The following HSPA1L variants were observed in gnomAD, a reference collection of about 807,000 sequenced individuals.
HSPA1L encodes the protein heat shock 70 kDa protein 1-like.
In HSPA1L, 21 loss-of-function variants were observed where a neutral mutation model predicts 31.5. That is an observed-to-expected ratio of 0.67 (90% CI 0.47 to 0.96). The LOEUF is 0.96. Among genes scored for constraint, HSPA1L ranks in the 40% least tolerant of loss-of-function variants. HSPA1L has a pLI of 0.00. For missense variants in HSPA1L, 709 were observed against 813.4 expected, an observed-to-expected ratio of 0.87 and a Z score of 1.56; for synonymous variants, 293 against 323.1, an observed-to-expected ratio of 0.91 and a Z score of 1.00.
Position 31,809,966 on chromosome 6 carries a change from C to A in HSPA1L, c.*81G>T. On this transcript the variant is annotated 3_prime_UTR_variant, in exon 2 of 2. Transcript: ENST00000375654. ...ATGGTAACTTAGATTCAGGTCTGGTCAAGAATAATAATGATGTTTGAAGAT... is the reference window on the plus strand; with the variant it reads ...ATGGTAACTTAGATTCAGGTCTGGTAAAGAATAATAATGATGTTTGAAGAT... 8.1e-7 allele frequency: 1 copy of A among 1,227,464 alleles called. No homozygotes were observed. The highest frequency in any genetic ancestry group is 2.9e-5 in the South Asian group (1 of 34,974). 76.0% of individuals were successfully genotyped at this position (1,227,464 alleles called of 1,614,324 possible). A position where few individuals can be genotyped will look rare whatever the true frequency, so the allele number is the denominator to read the frequency against.
chr6:31,810,197 A>C lies in HSPA1L; in HGVS notation c.1776T>G (p.Asp592Glu), dbSNP rs758000575. ...WLEVNQLAEK[D>E]EFDHKRKELE... The stretch of plus-strand genomic sequence containing the variant: ...ATTCCTTTCTCTTATGATCAAACTC[A>C]TCTTTCTCTGCCAGTTGATTGACCT... Residue 592 changes from aspartate (D) to glutamate (E), a missense_variant, in exon 2 of 2, where the codon GAT (aspartate) becomes GAG (glutamate). Asp to Glu is a conservative substitution (Grantham distance 45). Transcript: ENST00000375654. The C allele has an allele frequency of 1.0e-4, 156 of 1,526,818 alleles. No individual in the cohort carries two copies. Among genetic ancestry groups the C allele is most frequent in the Non-Finnish European group, 1.3e-4 (150 of 1,141,810 alleles). 94.6% of individuals were successfully genotyped at this position (1,526,818 alleles called of 1,614,324 possible).
At position 31,810,177 on chromosome 6, in the gene HSPA1L, T is replaced by G; in HGVS notation, c.1796A>C (p.Lys599Thr). 6.5e-7 allele frequency: 1 copy of G among 1,528,616 alleles called. No individual in the cohort carries two copies. The highest frequency in any genetic ancestry group is 1.3e-5 in the South Asian group (1 of 74,542). 94.7% of individuals were successfully genotyped at this position (1,528,616 alleles called of 1,614,324 possible). The change falls in exon 2 of 2, where the codon AAG becomes ACG. Residue 599 changes from lysine to threonine, a missense_variant. By Grantham distance (78) the Lys-to-Thr change is moderately conservative. Coordinates refer to ENST00000375654, the MANE Select transcript of HSPA1L (RefSeq NM_005527.4). The part of the protein sequence containing the change: ...AEKDEFDHKR[K>T]ELEQMCNPII... Reference sequence around the variant, plus strand: ...AGGGTTACACATCTGCTCCAATTCCTTTCTCTTATGATCAAACTCATCTTT... The same window carrying G: ...AGGGTTACACATCTGCTCCAATTCCGTTCTCTTATGATCAAACTCATCTTT...
chr6:31,814,540 T>A (rs35207553), intron 1 of HSPA1L, among the ~76,000 whole-genome samples: 139 of 150,266 alleles, frequency 9.3e-4, no homozygotes, highest in South Asian at 2.7e-3. Context: ...AATAAATAAA[T>A]AAAAATAAAA....
At position 31,810,842 on chromosome 6, in the gene HSPA1L, T is replaced by C. The variant is rs1201797993; in HGVS notation, c.1131A>G (p.Val377=). The C allele has an allele frequency of 1.9e-6, 3 of 1,614,096 alleles. No individual in the cohort carries two copies. Among genetic ancestry groups the C allele is most frequent in the South Asian group, 1.1e-5 (1 of 91,082 alleles). Residue 377 remains valine (V), a synonymous_variant, in exon 2 of 2, where the codon GTA becomes GTG. Transcript: ENST00000375654. ...TGTCCCCCATCAGGATGGCTGCTTG[T>C]ACCGCAGCCCCATATGCTACGGCCT... ...PDEAVAYGAA[V]QAAILMGDKS...
rs1296725819 is a variant in HSPA1L, at chr6:31,811,089, A to G, written c.884T>C (p.Phe295Ser). The change falls in exon 2 of 2, where the codon TTC becomes TCC. Residue 295 changes from phenylalanine to serine, a missense_variant. Physicochemically the swap from Phe to Ser is radical, Grantham distance 155. Transcript: ENST00000375654. ...EIDSLYEGID[F>S]YTSITRARFE... ...TCGAGCTCTGGTGATGGATGTATAG[A>G]AGTCAATGCCTTCATAAAGTGAATC... 2.5e-6 allele frequency: 4 copies of G among 1,614,070 alleles called. No homozygotes were observed. The highest frequency in any genetic ancestry group is 3.4e-6 in the Non-Finnish European group (4 of 1,180,058).
intron 1 of HSPA1L, among the ~76,000 whole-genome samples, chr6:31,813,196 T>C (rs1815555404): frequency 6.6e-6 from 1 of 152,270 alleles, no homozygotes; most frequent in Non-Finnish European, 1.5e-5. Flanking sequence ...ATTTATCCTT[T>C]TGTGACTTTG....
chr6:31,812,113 T>C (rs1815468974), intron 1 of HSPA1L, 128 bp from the exon 2 acceptor site: 1 of 1,182,468 alleles, frequency 8.5e-7, no homozygotes, highest in South Asian at 1.6e-5. Context: ...ACTGCAGCTT[T>C]GATCTCCTAG....
chr6:31,809,973 A>G lies in HSPA1L; in HGVS notation c.*74T>C. On this transcript the variant is annotated 3_prime_UTR_variant, in exon 2 of 2. Transcript: ENST00000375654. The stretch of plus-strand genomic sequence containing the variant: ...CTTAGATTCAGGTCTGGTCAAGAAT[A>G]ATAATGATGTTTGAAGATGAGGGGA... 8.0e-7 allele frequency: 1 copy of G among 1,250,486 alleles called. No homozygotes were observed. The highest frequency in any genetic ancestry group is 1.6e-5 in the African/African-American group (1 of 64,076). 77.5% of individuals were successfully genotyped at this position (1,250,486 alleles called of 1,614,324 possible).
Position 31,810,746 on chromosome 6 carries a change from C to A in HSPA1L, c.1227G>T (p.Gly409=). ...APLSLGLETA[G]GVMTALIKRN... ...GCTTTATCAGGGCAGTCATCACGCC[C>A]CCAGCCGTCTCCAGCCCCAGGGACA... The change falls in exon 2 of 2, where the codon GGG becomes GGT. Residue 409 remains glycine (G), a synonymous_variant. Coordinates refer to ENST00000375654, the MANE Select transcript of HSPA1L (RefSeq NM_005527.4). The A allele has an allele frequency of 6.2e-7, 1 of 1,613,988 alleles. No individual in the cohort carries two copies. The highest frequency in any genetic ancestry group is 8.5e-7 in the Non-Finnish European group (1 of 1,179,994).
Position 31,811,091 on chromosome 6 carries a change from G to A in HSPA1L, c.882C>T (p.Asp294=), listed in dbSNP as rs1220745368. ...LEIDSLYEGI[D]FYTSITRARF... The stretch of plus-strand genomic sequence containing the variant: ...GAGCTCTGGTGATGGATGTATAGAA[G>A]TCAATGCCTTCATAAAGTGAATCAA... Residue 294 remains aspartate, a synonymous_variant, in exon 2 of 2, where the codon GAC becomes GAT. Transcript: ENST00000375654. The A allele has an allele frequency of 1.2e-6, 2 of 1,614,106 alleles. No homozygotes were observed. Among genetic ancestry groups the A allele is most frequent in the Non-Finnish European group, 8.5e-7 (1 of 1,180,060 alleles).
rs12526722 is a variant in HSPA1L, at chr6:31,814,674, A to C, written c.-14+215T>G. 9.6e-3 allele frequency among the ~76,000 whole-genome samples: 355 copies of C among 36,856 alleles called. 3 individuals carry two copies. Among genetic ancestry groups the C allele is most frequent in the Admixed American group, 0.088 (293 of 3,320 alleles). 24.2% of individuals were successfully genotyped at this position (36,856 alleles called of 152,430 possible). ...TTCCCCGCCTCCCCATTTCCCCGAC[A>C]GGCCGCACTCCCTTCCCCCGCCTCC... On this transcript the variant is annotated intron_variant, in intron 1 of 1. Transcript: ENST00000375654.
chr6:31,812,337 G>C (rs1340006491), intron 1 of HSPA1L, among the ~76,000 whole-genome samples: 1 of 151,760 alleles, frequency 6.6e-6, no homozygotes, highest in Non-Finnish European at 1.5e-5. Flanking sequence ...GCTAATTTTT[G>C]TATTTTTAGT....
intron 1 of HSPA1L, among the ~76,000 whole-genome samples, chr6:31,813,082 C>T (rs1307253586): frequency 6.6e-6 from 1 of 152,162 alleles, no homozygotes; most frequent in African/African-American, 2.4e-5. Flanking sequence ...CTCCAAGTCA[C>T]CAAGTGTTAG....
Position 31,811,793 on chromosome 6 carries a change from C to T in HSPA1L, c.180G>A (p.Gln60=), listed in dbSNP as rs1319768989. ...ERLIGDAAKN[Q]VAMNPQNTVF... is the part of the protein sequence containing the mutation. ...CAGTGTTCTGGGGATTCATTGCTAC[C>T]TGGTTCTTGGCCGCATCCCCAATGA... The change falls in exon 2 of 2, where the codon CAG becomes CAA. Residue 60 remains glutamine, a synonymous_variant. Coordinates refer to ENST00000375654, the MANE Select transcript of HSPA1L (RefSeq NM_005527.4). The T allele has an allele frequency of 6.2e-7, 1 of 1,614,150 alleles. No individual in the cohort carries two copies. The highest frequency in any genetic ancestry group is 8.5e-7 in the Non-Finnish European group (1 of 1,180,040).
intron 1 of HSPA1L, among the ~76,000 whole-genome samples, 187 bp from the exon 2 acceptor site, chr6:31,812,172 T>C (rs1045280498): frequency 6.6e-6 from 1 of 150,620 alleles, no homozygotes; most frequent in Non-Finnish European, 1.5e-5. Flanking sequence ...GGAGACAACA[T>C]GCCCGGCTAA....
rs1357313252 is a variant in HSPA1L at position 31,811,892 on chromosome 6, C to G, written c.81G>C (p.Lys27Asn). Residue 27 changes from lysine (K) to asparagine (N), a missense_variant, in exon 2 of 2, where the codon AAG (lysine) becomes AAC (asparagine). Physicochemically the swap from Lys to Asn is moderately conservative, Grantham distance 94. Transcript: ENST00000375654. ...YSCVGVFQHG[K>N]VEIIANDQGN... ...CCTGGTCGTTGGCGATGATCTCCAC[C>G]TTGCCGTGCTGGAACACCCCCACAC... 6.2e-7 allele frequency: 1 copy of G among 1,614,200 alleles called. No homozygotes were observed.
In HSPA1L at chr6:31,815,183, GCGCAGGCCCAGCAAGCCCCC is replaced by G. The variant is rs1173075829; in HGVS notation, c.-328_-309del. 7.8e-5 allele frequency: 18 copies of G among 229,566 alleles called. No homozygotes were observed. Among genetic ancestry groups the G allele is most frequent in the Non-Finnish European group, 1.3e-4 (17 of 127,296 alleles). The allele number at this position is 229,566 out of a possible 1,614,324, so 14.2% of individuals were successfully genotyped here. A position where few individuals can be genotyped will look rare whatever the true frequency, so the allele number is the denominator to read the frequency against. On this transcript the variant is annotated 5_prime_UTR_variant, in exon 1 of 2. Transcript: ENST00000375654. ...CCGCACCAGCCCCCTGCCCACAACTGCGCAGGCCCAGCAAGCCCCCACAATTAAAAGCCCAGCGCCGACCC... is the reference window on the plus strand; with the variant it reads ...CCGCACCAGCCCCCTGCCCACAACTGACAATTAAAAGCCCAGCGCCGACCC...
chr6:31,813,183 A>T (rs1815554261), intron 1 of HSPA1L, among the ~76,000 whole-genome samples: 1 of 152,220 alleles, frequency 6.6e-6, no homozygotes, highest in Non-Finnish European at 1.5e-5. Context: ...GGAATTATAC[A>T]GTATTTATCC....
At position 31,811,817 on chromosome 6, in the gene HSPA1L, G is replaced by T; in HGVS notation, c.156C>A (p.Leu52=). The T allele has an allele frequency of 6.2e-7, 1 of 1,614,180 alleles. No homozygotes were observed. Among genetic ancestry groups the T allele is most frequent in the South Asian group, 1.1e-5 (1 of 91,088 alleles). Residue 52 remains leucine (L), a synonymous_variant, in exon 2 of 2, where the codon CTC becomes CTA. Transcript: ENST00000375654. ...SYVAFTDTER[L]IGDAAKNQVA... ...CCTGGTTCTTGGCCGCATCCCCAAT[G>T]AGCCGCTCGGTGTCTGTGAAGGCCA...
Sources: gnomAD v4.1 joint callset for allele counts (sites outside exome capture counted in the v4.1 genomes callset) on GRCh38, gnomAD v4.1.1 for gene constraint, MANE v1.5 for transcripts, NCBI Gene and HGNC (gene_info 2026-07-23, HGNC 2026-07-21) for gene names.